The following HTT variants were observed in gnomAD, a reference collection of about 807,000 sequenced individuals.
HTT encodes huntingtin, also known as huntington disease protein.
Under a neutral mutation model 362.3 loss-of-function variants are expected in HTT, and 104 were observed. The ratio of observed to expected loss-of-function variants is 0.29; its 90% CI spans 0.24 to 0.34. The LOEUF is 0.34. Ranked by LOEUF, HTT falls within the 10% of genes least tolerant of loss-of-function variation. The pLI, the probability that HTT is intolerant of heterozygous loss-of-function variation, is 1.00. For synonymous variants in HTT, 1,577 were observed against 1,548.7 expected (o/e 1.02, Z -0.43); for missense variants, 3,301 against 3,928.6 (o/e 0.84, Z 4.27).
rs565237224 is a variant in HTT at position 3,206,149 on chromosome 4, A to G, written c.5719-347A>G. Among the ~76,000 whole-genome samples the G allele has an allele frequency of 1.6e-3, 237 of 152,368 alleles. 1 individual carries two copies. Among genetic ancestry groups the G allele is most frequent in the Non-Finnish European group, 2.8e-3 (191 of 68,032 alleles). On this transcript the variant is annotated intron_variant, in intron 42 of 66. Transcript: ENST00000355072. The surrounding 1 kb of genome is among the most constrained non-coding windows in gnomAD (Gnocchi z 4.6). ...GCAGTGCTGTGGATGGGGTCATCCC[A>G]GCGCAACGCTGCCCCTGCTACCTGC...
chr4:3,203,692 A>G (rs1290355921), intron 41 of HTT, among the ~76,000 whole-genome samples: 1 of 152,264 alleles, frequency 6.6e-6, no homozygotes, highest in African/African-American at 2.4e-5. Flanking sequence ...TCAATTATCA[A>G]ACATAGCCAG....
intron 10 of HTT, 163 bp downstream of exon 10, chr4:3,123,099 C>A: frequency 2.1e-6 from 1 of 465,200 alleles, no homozygotes; most frequent in Non-Finnish European, 3.7e-6. Context: ...AATCTGATAA[C>A]CAGGCCTGAA....
chr4:3,215,828 T>C (rs1720371484), intron 51 of HTT, among the ~76,000 whole-genome samples: 1 of 152,012 alleles, frequency 6.6e-6, no homozygotes, highest in South Asian at 2.1e-4. Flanking sequence ...ACTAGGAAAA[T>C]GGTGGCAGTG....
chr4:3,213,899 CG>C, intron 49 of HTT, 58 bp from the exon 50 acceptor site: 1 of 1,416,044 alleles, frequency 7.1e-7, no homozygotes, highest in East Asian at 2.6e-5. Flanking sequence ...GTGATTCACA[CG>C]GCTTCCCCAA....
At chr4:3,214,210 C>G in intron 50 of HTT, 75 bp downstream of exon 50, 2 of 1,195,454 alleles carry the variant, frequency 1.7e-6, no homozygotes, top group Admixed American at 3.5e-5. Context: ...TTTTGTGCTG[C>G]CTGTTTGCCA....
chr4:3,229,412 C>CCA lies in HTT; in HGVS notation c.8109+410_8109+411dup, dbSNP rs765032238. ...ACACCCCACACACCACATGTATGTG[C>CCA]CACACACAGCACACAACCACACACA... On this transcript the variant is annotated intron_variant, in intron 59 of 66. Coordinates refer to ENST00000355072, the MANE Select transcript of HTT (RefSeq NM_001388492.1). Among the ~76,000 whole-genome samples the CCA allele has an allele frequency of 1.9e-3, 278 of 142,868 alleles. 3 individuals carry two copies. Among genetic ancestry groups the CCA allele is most frequent in the Admixed American group, 3.0e-3 (44 of 14,752 alleles). The allele number at this position is 142,868 out of a possible 152,430, so 93.7% of individuals were successfully genotyped here.
chr4:3,169,567 G>C (rs1717875120), intron 29 of HTT, among the ~76,000 whole-genome samples: 1 of 151,614 alleles, frequency 6.6e-6, no homozygotes. Flanking sequence ...TGTTAATCCT[G>C]TCCAGCGTAT....
At chr4:3,130,854 A>G (rs903728415) in intron 14 of HTT, among the ~76,000 whole-genome samples, 1 of 152,176 alleles carries the variant, frequency 6.6e-6, no homozygotes. Flanking sequence ...CGTCCCATCA[A>G]TCAGAATTAT....
Position 3,120,901 on chromosome 4 carries a change from C to T in HTT, c.1069-327C>T, listed in dbSNP as rs573511663. 3.3e-5 allele frequency among the ~76,000 whole-genome samples: 5 copies of T among 152,320 alleles called. 1 individual carries two copies. The highest frequency in any genetic ancestry group is 1.9e-4 in the East Asian group (1 of 5,186). On this transcript the variant is annotated intron_variant, in intron 8 of 66. Transcript: ENST00000355072. ...TTTTGATTTTTAAATGTGTGTCAAG[C>T]TGACTCTCCCCTCCGTGTATGCTGG...
intron 6 of HTT, among the ~76,000 whole-genome samples, chr4:3,114,687 G>A (rs1714933486): frequency 1.3e-5 from 2 of 152,176 alleles, no homozygotes; most frequent in African/African-American, 4.8e-5. Context: ...GACTAGCTGG[G>A]TCACCCCTTT....
At chr4:3,099,242 C>T in intron 2 of HTT, 32 bp from the exon 3 acceptor site, 1 of 1,518,476 alleles carries the variant, frequency 6.6e-7, no homozygotes, top group South Asian at 1.1e-5. Context: ...CCTTAGGCTC[C>T]TCTTGACAGT....
intron 6 of HTT, among the ~76,000 whole-genome samples, chr4:3,108,052 G>A (rs933564330): frequency 6.6e-6 from 1 of 152,124 alleles, no homozygotes; most frequent in Non-Finnish European, 1.5e-5. Flanking sequence ...CTCTTTACTA[G>A]TTATTTTCCT....
intron 41 of HTT, chr4:3,202,889 C>T (rs556752499): frequency 1.8e-4 from 28 of 152,438 alleles, no homozygotes; most frequent in African/African-American, 6.5e-4. Flanking sequence ...CCCTGTAGTT[C>T]AGCTGCTTGG....
chr4:3,130,065 G>T lies in HTT; in HGVS notation c.1867+18G>T. 1.3e-6 allele frequency: 2 copies of T among 1,578,504 alleles called. No individual in the cohort carries two copies. The highest frequency in any genetic ancestry group is 1.7e-6 in the Non-Finnish European group (2 of 1,165,826). On this transcript the variant is annotated intron_variant, in intron 13 of 66. Transcript: ENST00000355072. Reference sequence around the variant, plus strand: ...TTCCATGGGTATGTGGACTACAGGTGATGCGCTACAAAGTGGTTTGTATTC... The same window carrying T: ...TTCCATGGGTATGTGGACTACAGGTTATGCGCTACAAAGTGGTTTGTATTC...
At chr4:3,196,637 C>T (rs1301751831) in intron 40 of HTT, among the ~76,000 whole-genome samples, 1 of 151,860 alleles carries the variant, frequency 6.6e-6, no homozygotes, top group Non-Finnish European at 1.5e-5. Context: ...ACTCAGGAAC[C>T]TGAGACAGGA....
intron 47 of HTT, among the ~76,000 whole-genome samples, chr4:3,210,904 CTT>C (rs780304223): frequency 1.7e-4 from 21 of 122,646 alleles, no homozygotes; most frequent in Non-Finnish European, 2.5e-4. Context: ...AATTGTTTAT[CTT>C]TTTTTTTTTT....
At chr4:3,209,135 T>C (rs1720013029) in intron 46 of HTT, among the ~76,000 whole-genome samples, 1 of 152,148 alleles carries the variant, frequency 6.6e-6, no homozygotes, top group South Asian at 2.1e-4. Flanking sequence ...GGTGAGTAGT[T>C]AGTGGGTGAA....
At chr4:3,101,301 G>T (rs1353712817) in intron 3 of HTT, among the ~76,000 whole-genome samples, 2 of 152,170 alleles carry the variant, frequency 1.3e-5, no homozygotes, top group African/African-American at 4.8e-5. Context: ...GGTCTCAGGT[G>T]CTCTTCCTGG....
intron 5 of HTT, among the ~76,000 whole-genome samples, chr4:3,106,861 T>A (rs1369861430): frequency 2.0e-5 from 3 of 152,234 alleles, no homozygotes; most frequent in Non-Finnish European, 4.4e-5. Flanking sequence ...ATTCCTGTGA[T>A]CTGTGACTCA....
Sources: gnomAD v4.1 joint callset for allele counts (sites outside exome capture counted in the v4.1 genomes callset) on GRCh38, gnomAD v4.1.1 for gene constraint, Gnocchi (gnomAD v3.1) non-coding constraint, MANE v1.5 for transcripts, NCBI Gene and HGNC (gene_info 2026-07-23, HGNC 2026-07-21) for gene names.